PAN3: variants seen among roughly 807,000 people sequenced by gnomAD.
PAN3 encodes poly(A) specific ribonuclease subunit PAN3.
Under a neutral mutation model 96.2 loss-of-function variants are expected in PAN3, and 19 were observed. The observed-to-expected ratio is 0.20, with a 90% CI of 0.14 to 0.29. The LOEUF is 0.29. PAN3 is among the 10% of genes least tolerant of loss of function. The pLI is 1.00. For missense variants in PAN3, 882 were observed against 1,108.1 expected, an observed-to-expected ratio of 0.80 and a Z score of 2.90; for synonymous variants, 433 against 406.6, an observed-to-expected ratio of 1.06 and a Z score of -0.78.
In PAN3 at chr13:28,175,643, A is replaced by C. The variant is rs568716808; in HGVS notation, c.553-850A>C. ...AATTATTTTAACTTATTTCGTGTAG[A>C]TATGCACTCTAAGGGTTGTTTATAA... On this transcript the variant is annotated intron_variant, in intron 2 of 18. Coordinates refer to ENST00000380958, the MANE Select transcript of PAN3 (RefSeq NM_175854.8). Among the ~76,000 whole-genome samples, 8 of 152,318 alleles carry C rather than the reference A, an allele frequency of 5.3e-5. No homozygotes were observed. In the East Asian group the frequency reaches 5.8e-4, roughly 11 times the overall value.
intron 6 of PAN3, among the ~76,000 whole-genome samples, chr13:28,237,690 T>G (rs527850736): frequency 2.0e-5 from 3 of 152,222 alleles, no homozygotes; most frequent in Non-Finnish European, 2.9e-5. Flanking sequence ...GGGTGAAGAA[T>G]AATAATTAAC....
chr13:28,214,456 T>A (rs1880479432), intron 5 of PAN3: 1 of 221,594 alleles, frequency 4.5e-6, no homozygotes, highest in Non-Finnish European at 8.9e-6. Context: ...CCCAATCAAC[T>A]TTTTTGCAAC....
rs573609568 is a variant in PAN3 at position 28,287,026 on chromosome 13, C to T, written c.2385-958C>T. ...CTTCACTCTGTTCCTTTTCCTTGCCCTTACCCTCCCTCTCCGTGTATTCTG... is the reference window on the plus strand; with the variant it reads ...CTTCACTCTGTTCCTTTTCCTTGCCTTTACCCTCCCTCTCCGTGTATTCTG... On this transcript the variant is annotated intron_variant, in intron 17 of 18. Transcript: ENST00000380958. Among the ~76,000 whole-genome samples the T allele has an allele frequency of 7.2e-5, 11 of 152,216 alleles. No homozygotes were observed. In the East Asian group the frequency reaches 2.1e-3, roughly 29 times the overall value.
chr13:28,139,179 C>T, intron 1 of PAN3, 92 bp downstream of exon 1: 4 of 1,214,372 alleles, frequency 3.3e-6, no homozygotes, highest in Admixed American at 8.5e-5. Context: ...GAGCACGGCC[C>T]GCGGGCTCCC....
At chr13:28,251,137 C>G (rs1252256876) in intron 6 of PAN3, among the ~76,000 whole-genome samples, 3 of 151,992 alleles carry the variant, frequency 2.0e-5, no homozygotes, top group South Asian at 4.1e-4. Flanking sequence ...TATGTTTTCA[C>G]TCTTAAAGAG....
At chr13:28,203,260 A>G (rs929187403) in intron 5 of PAN3, among the ~76,000 whole-genome samples, 1 of 147,102 alleles carries the variant, frequency 6.8e-6, no homozygotes, top group Non-Finnish European at 1.5e-5. Context: ...ATTGGGTAAT[A>G]TATGTAATTT....
intron 1 of PAN3, among the ~76,000 whole-genome samples, chr13:28,149,859 C>T (rs181506339): frequency 6.6e-6 from 1 of 152,244 alleles, no homozygotes; most frequent in Non-Finnish European, 1.5e-5. Context: ...TCAAGTGAAC[C>T]TCTCACCTTA....
At chr13:28,279,030 G>A (rs1447078016) in intron 15 of PAN3, among the ~76,000 whole-genome samples, 3 of 151,826 alleles carry the variant, frequency 2.0e-5, no homozygotes, top group Admixed American at 2.0e-4. Context: ...ATATTTTCAG[G>A]TAGTGATAAG....
intron 6 of PAN3, among the ~76,000 whole-genome samples, chr13:28,248,282 T>G (rs1201952313): frequency 6.6e-6 from 1 of 152,216 alleles, no homozygotes; most frequent in East Asian, 1.9e-4. Flanking sequence ...CCTGAAACTT[T>G]TACTAAGTTT....
chr13:28,277,427 CA>C, intron 15 of PAN3, 51 bp downstream of exon 15: 1 of 1,542,062 alleles, frequency 6.5e-7, no homozygotes, highest in Non-Finnish European at 8.7e-7. Context: ...TGCGATAAGA[CA>C]GAGCTTTTTT....
At chr13:28,231,059 T>C (rs1414640348) in intron 6 of PAN3, among the ~76,000 whole-genome samples, 1 of 152,222 alleles carries the variant, frequency 6.6e-6, no homozygotes, top group Non-Finnish European at 1.5e-5. Flanking sequence ...GGTAGGTTAC[T>C]GTTTTGTTTC....
chr13:28,151,286 T>A (rs942860693), intron 1 of PAN3, among the ~76,000 whole-genome samples: 1 of 151,948 alleles, frequency 6.6e-6, no homozygotes, highest in Non-Finnish European at 1.5e-5. Context: ...GAGGCCGAGG[T>A]GGGCAGATCA....
chr13:28,138,864 G>T lies in PAN3; in HGVS notation c.207G>T (p.Glu69Asp). 1 of 1,422,634 alleles carries T rather than the reference G, an allele frequency of 7.0e-7. No homozygotes were observed. The highest frequency in any genetic ancestry group is 1.5e-5 in the South Asian group (1 of 64,560). The allele number at this position is 1,422,634 out of a possible 1,614,324, so 88.1% of individuals were successfully genotyped here. Residue 69 changes from glutamate (E) to aspartate (D), a missense_variant, in exon 1 of 19, where the codon GAG becomes GAT. By Grantham distance (45) the Glu-to-Asp change is conservative (BLOSUM62 2). Coordinates refer to ENST00000380958, the MANE Select transcript of PAN3 (RefSeq NM_175854.8). The part of the protein sequence containing the change: ...FYGEECQFLH[E>D]DPAAGAAPGL... ...GGGAGGAGTGTCAGTTCCTGCATGAGGACCCTGCCGCCGGGGCTGCCCCGG... is the reference window on the plus strand; with the variant it reads ...GGGAGGAGTGTCAGTTCCTGCATGATGACCCTGCCGCCGGGGCTGCCCCGG...
chr13:28,166,273 A>C (rs1006763389), intron 1 of PAN3, among the ~76,000 whole-genome samples: 1 of 152,206 alleles, frequency 6.6e-6, no homozygotes, highest in African/African-American at 2.4e-5. Context: ...TTCCATTCAG[A>C]AAGGGAGAAA....
chr13:28,228,968 C>T (rs533119977), intron 6 of PAN3, among the ~76,000 whole-genome samples: 11 of 152,272 alleles, frequency 7.2e-5, no homozygotes, highest in Non-Finnish European at 1.6e-4. Flanking sequence ...GGATGCTCTT[C>T]ACATAGCTTA....
At chr13:28,186,877 A>G (rs1407375675) in intron 4 of PAN3, among the ~76,000 whole-genome samples, 1 of 152,196 alleles carries the variant, frequency 6.6e-6, no homozygotes, top group African/African-American at 2.4e-5. Context: ...TTTAATGATC[A>G]TTACAATTGA....
chr13:28,215,498 A>G, intron 5 of PAN3: 1 of 677,776 alleles, frequency 1.5e-6, no homozygotes, highest in South Asian at 1.7e-5. Context: ...GTTGACAGCA[A>G]AAATGACCCA....
At chr13:28,260,922 G>C (rs971497560) in intron 8 of PAN3, among the ~76,000 whole-genome samples, 2 of 152,110 alleles carry the variant, frequency 1.3e-5, no homozygotes, top group African/African-American at 4.8e-5. Flanking sequence ...CTTTAAGAGA[G>C]CTCAATATTT....
At chr13:28,268,254 T>G (rs1181431758) in intron 12 of PAN3, among the ~76,000 whole-genome samples, 1 of 152,120 alleles carries the variant, frequency 6.6e-6, no homozygotes, top group Admixed American at 6.6e-5. Flanking sequence ...ATATTACATC[T>G]TTTCTTTATT....
Sources: gnomAD v4.1 joint callset for allele counts (sites outside exome capture counted in the v4.1 genomes callset) on GRCh38, gnomAD v4.1.1 for gene constraint, MANE v1.5 for transcripts, NCBI Gene and HGNC (gene_info 2026-07-23, HGNC 2026-07-21) for gene names.